The following PCK1 variants were observed in gnomAD, a reference collection of about 807,000 sequenced individuals.
PCK1 encodes the protein phosphoenolpyruvate carboxykinase 1.
In PCK1, 44 loss-of-function variants were observed where a neutral mutation model predicts 50.3. The ratio of observed to expected loss-of-function variants is 0.87; its 90% CI spans 0.69 to 1.12. PCK1 has a LOEUF of 1.12. Ranked by LOEUF, PCK1 falls within the 50% of genes most tolerant of loss-of-function variation. The probability of loss-of-function intolerance (pLI) is 0.00; values close to 1 mark genes in which losing one functional copy is unlikely to be tolerated. For synonymous variants in PCK1, 332 were observed against 314.3 expected (o/e 1.06, Z -0.59); for missense variants, 790 against 815.0 (o/e 0.97, Z 0.37).
chr20:57,566,006 G>A lies in PCK1; in HGVS notation c.*202G>A, dbSNP rs886056795. 2.1e-6 allele frequency: 1 copy of A among 477,824 alleles called. No homozygotes were observed. Among genetic ancestry groups the A allele is most frequent in the Non-Finnish European group, 3.7e-6 (1 of 273,514 alleles). 29.6% of individuals were successfully genotyped at this position (477,824 alleles called of 1,614,324 possible). ...GGGTAGTAGCTAATGAAATTGAGAA[G>A]GGAAATCTTAGCATGCCTCCAAAAA... On this transcript the variant is annotated 3_prime_UTR_variant, in exon 10 of 10. Transcript: ENST00000319441.
At chr20:57,564,922 C>G (rs2070188560) in intron 8 of PCK1, 118 bp from the exon 9 acceptor site, 2 of 799,250 alleles carry the variant, frequency 2.5e-6, no homozygotes, top group African/African-American at 3.4e-5. Context: ...GCAAAACTAG[C>G]TCGATTACAA....
In PCK1 at chr20:57,562,698, C is replaced by G; in HGVS notation, c.409C>G (p.Arg137Gly). 1.2e-6 allele frequency: 2 copies of G among 1,613,212 alleles called. No individual in the cohort carries two copies. Among genetic ancestry groups the G allele is most frequent in the Middle Eastern group, 3.4e-4 (2 of 5,920 alleles). ...NARFPGCMKG[R>G]TMYVIPFSMG... ...TGCCCACCCATCGCACCCTGTAGGT[C>G]GCACCATGTACGTCATCCCATTCAG... The change falls in exon 4 of 10, where the codon CGC becomes GGC. Residue 137 changes from arginine (R) to glycine (G), a missense_variant and splice_region_variant. By Grantham distance (125) the Arg-to-Gly change is moderately radical. Coordinates refer to ENST00000319441, the MANE Select transcript of PCK1 (RefSeq NM_002591.4).
rs1016824279 is a variant in PCK1 at position 57,567,892 on chromosome 20, G to C, written c.*2088G>C. ...GCCACCTGGCAAGCAGTCTCACATA[G>C]GACCATTTGCCAGCAGGCCCTGCAA... On this transcript the variant is annotated 3_prime_UTR_variant, in exon 10 of 10. Transcript: ENST00000319441. 8 of 152,324 alleles carry C rather than the reference G, an allele frequency of 5.3e-5. No homozygotes were observed. Among genetic ancestry groups the C allele is most frequent in the Admixed American group, 5.2e-4 (8 of 15,290 alleles). The allele number at this position is 152,324 out of a possible 1,614,324, so 9.4% of individuals were successfully genotyped here.
intron 6 of PCK1, 165 bp downstream of exon 6, chr20:57,563,892 T>A: frequency 1.6e-6 from 1 of 644,142 alleles, no homozygotes; most frequent in Non-Finnish European, 2.7e-6. Context: ...TTCTTCAACT[T>A]AATATTCAAT....
At position 57,565,674 on chromosome 20, in the gene PCK1, T is replaced by C. The variant is rs373655980; in HGVS notation, c.1739T>C (p.Ile580Thr). 1 of 1,613,988 alleles carries C rather than the reference T, an allele frequency of 6.2e-7. No individual in the cohort carries two copies. Among genetic ancestry groups the C allele is most frequent in the Non-Finnish European group, 8.5e-7 (1 of 1,180,004 alleles). The part of the protein sequence containing the change: ...GHINMMELFS[I>T]SKEFWEKEVE... Reference sequence around the variant, plus strand: ...ATCAACATGATGGAGCTTTTCAGCATCTCCAAGGAATTCTGGGAGAAGGAG... The same window carrying C: ...ATCAACATGATGGAGCTTTTCAGCACCTCCAAGGAATTCTGGGAGAAGGAG... Residue 580 changes from isoleucine to threonine, a missense_variant, in exon 10 of 10, where the codon ATC (isoleucine) becomes ACC (threonine). Transcript: ENST00000319441.
rs1307132465 is a variant in PCK1 at position 57,567,882 on chromosome 20, G to A, written c.*2078G>A. The A allele has an allele frequency of 1.3e-5, 2 of 152,390 alleles. No homozygotes were observed. The highest frequency in any genetic ancestry group is 4.8e-5 in the African/African-American group (2 of 41,456). 9.4% of individuals were successfully genotyped at this position (152,390 alleles called of 1,614,324 possible). The stretch of plus-strand genomic sequence containing the variant: ...CACAGCATCAGCCACCTGGCAAGCA[G>A]TCTCACATAGGACCATTTGCCAGCA... On this transcript the variant is annotated 3_prime_UTR_variant, in exon 10 of 10. Coordinates refer to ENST00000319441, the MANE Select transcript of PCK1 (RefSeq NM_002591.4).
At chr20:57,565,221 C>A in intron 9 of PCK1, 86 bp downstream of exon 9, 1 of 1,292,654 alleles carries the variant, frequency 7.7e-7, no homozygotes, top group Non-Finnish European at 1.1e-6. Flanking sequence ...TTTTCTGTGT[C>A]TGTGTGTGGG....
intron 4 of PCK1, 21 bp from the exon 5 acceptor site, chr20:57,563,007 G>A (rs376746108): frequency 1.2e-6 from 2 of 1,607,982 alleles, no homozygotes; most frequent in African/African-American, 2.7e-5. Flanking sequence ...GCACTGACTT[G>A]GGAGGGGTCC....
chr20:57,561,755 A>G (rs929274849), intron 2 of PCK1, 120 bp downstream of exon 2: 12 of 696,348 alleles, frequency 1.7e-5, no homozygotes, highest in African/African-American at 7.1e-5. Flanking sequence ...TCTTGAGAAG[A>G]TGAATGCAAT....
In PCK1 at chr20:57,564,392, T is replaced by C. The variant is rs758544665; in HGVS notation, c.1185T>C (p.Asp395=). Residue 395 remains aspartate (D), a splice_region_variant and synonymous_variant, in exon 7 of 10, where the codon GAT becomes GAC. Transcript: ENST00000319441. ...AGAATAAGGAGTGGAGCTCAGAGGA[T>C]GGTGTGTCCCTGCCAGAGGCCTTGG... is the stretch of plus-strand genomic sequence containing the variant. The part of the protein sequence containing the change: ...SWKNKEWSSE[D]GEPCAHPNSR... 3.7e-6 allele frequency: 6 copies of C among 1,613,880 alleles called. No homozygotes were observed. Among genetic ancestry groups the C allele is most frequent in the East Asian group, 4.5e-5 (2 of 44,880 alleles).
rs1446861074 is a variant in PCK1, at chr20:57,565,369, C to A, written c.1434C>A (p.Asp478Glu). 1 of 1,613,808 alleles carries A rather than the reference C, an allele frequency of 6.2e-7. No homozygotes were observed. The highest frequency in any genetic ancestry group is 8.5e-7 in the Non-Finnish European group (1 of 1,179,758). ...AEHKGKIIMH[D>E]PFAMRPFFGY... ...TAACAGGCAAAATCATCATGCATGA[C>A]CCCTTTGCCATGCGGCCCTTCTTTG... is the stretch of plus-strand genomic sequence containing the variant. Residue 478 changes from aspartate (D) to glutamate (E), a missense_variant, in exon 10 of 10, where the codon GAC becomes GAA. By Grantham distance (45) the Asp-to-Glu change is conservative. Transcript: ENST00000319441.
In PCK1 at chr20:57,564,580, G is replaced by A. The variant is rs2146530059; in HGVS notation, c.1285G>A (p.Glu429Lys). 2.5e-6 allele frequency: 4 copies of A among 1,611,258 alleles called. No individual in the cohort carries two copies. Among genetic ancestry groups the A allele is most frequent in the Non-Finnish European group, 2.5e-6 (3 of 1,178,212 alleles). The change falls in exon 8 of 10, where the codon GAA becomes AAA. Residue 429 changes from glutamate to lysine, a missense_variant. Coordinates refer to ENST00000319441, the MANE Select transcript of PCK1 (RefSeq NM_002591.4). ...AWESPEGVPI[E>K]GIIFGGRRPA... ...GGAGTCTCCGGAAGGTGTTCCCATT[G>A]AAGGCATTATCTTTGGAGGCCGTAG...
In PCK1 at chr20:57,566,161, ATGTGTGTGTGTG is replaced by A. The variant is rs141075201; in HGVS notation, c.*382_*393del. ...AAAAATACTTGAGCTGTATATATATATGTGTGTGTGTGTGTGTGTGTGTGTGTGTGTGTGTGC... is the reference window on the plus strand; with the variant it reads ...AAAAATACTTGAGCTGTATATATATATGTGTGTGTGTGTGTGTGTGTGTGC... On this transcript the variant is annotated 3_prime_UTR_variant, in exon 10 of 10. Coordinates refer to ENST00000319441, the MANE Select transcript of PCK1 (RefSeq NM_002591.4). 1.6e-3 allele frequency: 252 copies of A among 159,676 alleles called. No individual in the cohort carries two copies. Among genetic ancestry groups the A allele is most frequent in the Non-Finnish European group, 2.1e-3 (153 of 74,480 alleles). The allele number at this position is 159,676 out of a possible 1,614,324, so 9.9% of individuals were successfully genotyped here.
chr20:57,564,300 G>A lies in PCK1; in HGVS notation c.1093G>A (p.Asp365Asn), dbSNP rs751016777. The A allele has an allele frequency of 1.2e-6, 2 of 1,614,110 alleles. No homozygotes were observed. The highest frequency in any genetic ancestry group is 1.7e-5 in the Admixed American group (1 of 60,022). Residue 365 changes from aspartate (D) to asparagine (N), a missense_variant, in exon 7 of 10, where the codon GAC becomes AAC. Physicochemically the swap from Asp to Asn is conservative, Grantham distance 23. Transcript: ENST00000319441. ...TIFTNVAETSDGGVYWEGIDE... is the reference protein window; with the variant it reads ...TIFTNVAETSNGGVYWEGIDE... Reference sequence around the variant, plus strand: ...CTTTACCAATGTGGCCGAGACCAGCGACGGGGGCGTTTACTGGGAAGGCAT... The same window carrying A: ...CTTTACCAATGTGGCCGAGACCAGCAACGGGGGCGTTTACTGGGAAGGCAT...
In PCK1 at chr20:57,564,494, C is replaced by T. The variant is rs146241929; in HGVS notation, c.1199C>T (p.Ala400Val). ...CTCTGTCTTATAGGGGAACCTTGTG[C>T]CCACCCCAACTCGAGGTTCTGCACC... Reference protein sequence around the residue: ...EWSSEDGEPCAHPNSRFCTPA... With the variant: ...EWSSEDGEPCVHPNSRFCTPA... The change falls in exon 8 of 10, where the codon GCC becomes GTC. Residue 400 changes from alanine to valine, a missense_variant. Physicochemically the swap from Ala to Val is moderately conservative, Grantham distance 64. Coordinates refer to ENST00000319441, the MANE Select transcript of PCK1 (RefSeq NM_002591.4). The T allele has an allele frequency of 3.1e-6, 5 of 1,614,058 alleles. No individual in the cohort carries two copies. In the African/African-American group the frequency reaches 5.3e-5, roughly 17 times the overall value.
intron 8 of PCK1, 23 bp downstream of exon 8, chr20:57,564,636 C>G (rs2146530123): frequency 6.4e-7 from 1 of 1,563,870 alleles, no homozygotes; most frequent in Non-Finnish European, 8.7e-7. Flanking sequence ...TTCATTTAGG[C>G]TGGGAACATG....
chr20:57,565,525 TGGAGA>T lies in PCK1; in HGVS notation c.1592_1596del (p.Gly531GlufsTer75). Reference sequence around the variant, plus strand: ...AAGGCAAATTCCTCTGGCCAGGCTTTGGAGAGAACTCCAGGGTGCTGGAGTGGATG... The same window carrying T: ...AAGGCAAATTCCTCTGGCCAGGCTTTGAACTCCAGGGTGCTGGAGTGGATG... On this transcript the variant is annotated frameshift_variant, in exon 10 of 10. Coordinates refer to ENST00000319441, the MANE Select transcript of PCK1 (RefSeq NM_002591.4). LOFTEE classifies it low-confidence loss of function (END_TRUNC). The T allele has an allele frequency of 6.2e-7, 1 of 1,614,222 alleles. No homozygotes were observed. The highest frequency in any genetic ancestry group is 8.5e-7 in the Non-Finnish European group (1 of 1,180,032).
chr20:57,561,635 G>T lies in PCK1; in HGVS notation c.224G>T (p.Cys75Phe), dbSNP rs775170603. ...ILRRLKKYDNCWLALTDPRDV... is the reference protein window; with the variant it reads ...ILRRLKKYDNFWLALTDPRDV... ...AGGCGGCTGAAGAAGTATGACAACT[G>T]GTAAGCTCGGCCCCCGCTGCCTGTC... The change falls in exon 2 of 10, where the codon TGC becomes TTC. Residue 75 changes from cysteine to phenylalanine, a missense_variant and splice_region_variant. Transcript: ENST00000319441. The T allele has an allele frequency of 1.9e-6, 3 of 1,602,496 alleles. No homozygotes were observed. The highest frequency in any genetic ancestry group is 1.7e-6 in the Non-Finnish European group (2 of 1,171,714).
rs1367496165 is a variant in PCK1 at position 57,564,539 on chromosome 20, T to G, written c.1244T>G (p.Ile415Ser). The G allele has an allele frequency of 6.2e-7, 1 of 1,613,878 alleles. No individual in the cohort carries two copies. The highest frequency in any genetic ancestry group is 8.5e-7 in the Non-Finnish European group (1 of 1,179,890). Residue 415 changes from isoleucine to serine, a missense_variant, in exon 8 of 10, where the codon ATC becomes AGC. Coordinates refer to ENST00000319441, the MANE Select transcript of PCK1 (RefSeq NM_002591.4). ...TGCACCCCTGCCAGCCAGTGCCCCATCATTGATGCTGCCTGGGAGTCTCCG... is the reference window on the plus strand; with the variant it reads ...TGCACCCCTGCCAGCCAGTGCCCCAGCATTGATGCTGCCTGGGAGTCTCCG... ...RFCTPASQCPIIDAAWESPEG... is the reference protein window; with the variant it reads ...RFCTPASQCPSIDAAWESPEG...
Sources: allele counts gnomAD v4.1 joint callset, GRCh38; gene constraint gnomAD v4.1.1; transcripts MANE v1.5; gene names NCBI Gene and HGNC (gene_info 2026-07-23, HGNC 2026-07-21).